ABCG2: variants seen among roughly 807,000 people sequenced by gnomAD.
ABCG2 encodes ATP binding cassette subfamily G member 2 (JR blood group), also known as broad substrate specificity ATP-binding cassette transporter ABCG2.
In ABCG2, 80 loss-of-function variants were observed where a neutral mutation model predicts 73.5. That is an observed-to-expected ratio of 1.09 (90% CI 0.91 to 1.31). The LOEUF is 1.31. Among genes scored for constraint, ABCG2 ranks in the 50% most tolerant of loss-of-function variants. The pLI is 0.00. For synonymous variants in ABCG2, 269 were observed against 282.4 expected, an observed-to-expected ratio of 0.95 and a Z score of 0.48; for missense variants, 796 against 786.2, an observed-to-expected ratio of 1.01 and a Z score of -0.15.
chr4:88,222,857 G>C (rs1327339451), intron 1 of ABCG2, among the ~76,000 whole-genome samples: 2 of 152,204 alleles, frequency 1.3e-5, no homozygotes, highest in Non-Finnish European at 2.9e-5. Context: ...GAAAGCAGCT[G>C]GAAGAGGGGG....
At chr4:88,214,718 C>T (rs959371195) in intron 1 of ABCG2, among the ~76,000 whole-genome samples, 34 of 151,596 alleles carry the variant, frequency 2.2e-4, no homozygotes, top group African/African-American at 8.2e-4. Flanking sequence ...TGTAACGATT[C>T]TCCCATCTCA....
intron 1 of ABCG2, among the ~76,000 whole-genome samples, chr4:88,207,783 A>G (rs1339179071): frequency 6.6e-6 from 1 of 152,080 alleles, no homozygotes; most frequent in Non-Finnish European, 1.5e-5. Context: ...GAGCTCAAAC[A>G]GTCCTCCCAC....
In ABCG2 at chr4:88,095,598, A is replaced by G. The variant is rs1347395666; in HGVS notation, c.1659T>C (p.Gly553=). Residue 553 remains glycine (G), a synonymous_variant, in exon 14 of 16, where the codon GGT becomes GGC. Coordinates refer to ENST00000237612, the MANE Select transcript of ABCG2 (RefSeq NM_004827.3). The part of the protein sequence containing the change: ...ICFVFMMIFS[G]LLVNLTTIAS... ...CAATGGTTGTGAGATTGACCAACAGACCTGAAAAAATCTACAAAAAGCAAA... is the reference window on the plus strand; with the variant it reads ...CAATGGTTGTGAGATTGACCAACAGGCCTGAAAAAATCTACAAAAAGCAAA... 6.2e-7 allele frequency: 1 copy of G among 1,613,652 alleles called. No homozygotes were observed.
chr4:88,189,044 C>T (rs756419124), intron 1 of ABCG2, among the ~76,000 whole-genome samples: 3 of 152,022 alleles, frequency 2.0e-5, no homozygotes, highest in Non-Finnish European at 2.9e-5. Context: ...AATATTAGAT[C>T]TTCCAGTTCA....
chr4:88,230,308 T>TATATATATATATATATACATATATA (rs746680651), intron 1 of ABCG2, among the ~76,000 whole-genome samples: 1 of 96,236 alleles, frequency 1.0e-5, no homozygotes, highest in Non-Finnish European at 2.1e-5. Context: ...TATATATATA[T>TATATATATATATATATACATATATA]TTTTTTTTTT....
chr4:88,112,413 A>G (rs1183442202), intron 9 of ABCG2, among the ~76,000 whole-genome samples: 5 of 151,918 alleles, frequency 3.3e-5, no homozygotes, highest in African/African-American at 1.2e-4. Context: ...TCCAACTGCA[A>G]ATCAACCTTC....
In ABCG2 at chr4:88,132,598, G is replaced by A; in HGVS notation, c.241C>T (p.Pro81Ser). The A allele has an allele frequency of 1.2e-6, 2 of 1,614,160 alleles. No individual in the cohort carries two copies. The highest frequency in any genetic ancestry group is 1.7e-6 in the Non-Finnish European group (2 of 1,180,016). ...CACGAAGATTTGCCTCCACCTGTGG[G>A]TCCCAGGATGGCGTTGAGACCAGGT... is the stretch of plus-strand genomic sequence containing the variant. ...MKPGLNAILG[P>S]TGGGKSSLLD... is the part of the protein sequence containing the mutation. The change falls in exon 3 of 16, where the codon CCC becomes TCC. Residue 81 changes from proline (P) to serine (S), a missense_variant. Coordinates refer to ENST00000237612, the MANE Select transcript of ABCG2 (RefSeq NM_004827.3).
chr4:88,132,137 A>G (rs187226760), intron 3 of ABCG2, among the ~76,000 whole-genome samples: 1 of 152,224 alleles, frequency 6.6e-6, no homozygotes, highest in Non-Finnish European at 1.5e-5. Flanking sequence ...ATTACAATAA[A>G]GCCCCAAAAC....
intron 12 of ABCG2, among the ~76,000 whole-genome samples, chr4:88,098,259 G>A (rs955731571): frequency 1.3e-5 from 2 of 152,142 alleles, no homozygotes; most frequent in African/African-American, 2.4e-5. Flanking sequence ...CCTATTATTT[G>A]TCAAATGGAA....
At position 88,091,336 on chromosome 4, in the gene ABCG2, C is replaced by A. The variant is rs1278376667; in HGVS notation, c.*898G>T. ...AAGGTATATAAGTAGGAAAGAAAAC[C>A]TATGTAGGGACAGATGTTAATAGTT... On this transcript the variant is annotated 3_prime_UTR_variant, in exon 16 of 16. Transcript: ENST00000237612. 6.6e-6 allele frequency: 1 copy of A among 152,068 alleles called. No individual in the cohort carries two copies. The highest frequency in any genetic ancestry group is 6.6e-5 in the Admixed American group (1 of 15,262). 9.4% of individuals were successfully genotyped at this position (152,068 alleles called of 1,614,324 possible).
intron 1 of ABCG2, among the ~76,000 whole-genome samples, chr4:88,198,057 C>T (rs1729007120): frequency 7.0e-6 from 1 of 143,838 alleles, no homozygotes; most frequent in Admixed American, 7.0e-5. Context: ...TCGTTTGTTT[C>T]CAGCTGGGCA....
At chr4:88,176,058 T>C (rs981029540) in intron 1 of ABCG2, among the ~76,000 whole-genome samples, 12 of 152,216 alleles carry the variant, frequency 7.9e-5, no homozygotes, top group African/African-American at 2.9e-4. Context: ...AGAAAAATGT[T>C]GTTTCTCCTG....
intron 1 of ABCG2, among the ~76,000 whole-genome samples, chr4:88,208,476 T>A (rs1425815068): frequency 6.6e-6 from 1 of 152,108 alleles, no homozygotes; most frequent in Non-Finnish European, 1.5e-5. Flanking sequence ...GGGCCCAAGG[T>A]TTTTAGGAGG....
chr4:88,109,116 A>G (rs1157339974), intron 9 of ABCG2, among the ~76,000 whole-genome samples: 1 of 150,926 alleles, frequency 6.6e-6, no homozygotes, highest in Non-Finnish European at 1.5e-5. Context: ...CTCCTGCCTC[A>G]GCCTCCCAAG....
chr4:88,118,009 T>C, intron 7 of ABCG2, 100 bp downstream of exon 7: 2 of 1,169,014 alleles, frequency 1.7e-6, no homozygotes, highest in African/African-American at 1.6e-5. Flanking sequence ...TCTCATGGTA[T>C]GTCTACCCAA....
intron 1 of ABCG2, among the ~76,000 whole-genome samples, chr4:88,210,700 C>G (rs753319508): frequency 6.6e-6 from 1 of 151,304 alleles, no homozygotes; most frequent in Non-Finnish European, 1.5e-5. Flanking sequence ...TCAAGCAATT[C>G]TCCCACCTCA....
In ABCG2 at chr4:88,177,939, T is replaced by A. The variant is rs538811562; in HGVS notation, c.-19-37925A>T. 2.6e-5 allele frequency among the ~76,000 whole-genome samples: 4 copies of A among 152,258 alleles called. No individual in the cohort carries two copies. The East Asian group carries it at 7.7e-4, about 29-fold the overall frequency. ...AGGACCAGAGTTCCAGCAAGCCTTA[T>A]CACCGTGAACTAAAGTGCTCTGGGG... is the stretch of plus-strand genomic sequence containing the variant. On this transcript the variant is annotated intron_variant, in intron 1 of 15. Transcript: ENST00000515655.
At position 88,113,457 on chromosome 4, in the gene ABCG2, G is replaced by A. The variant is rs748641162; in HGVS notation, c.1040C>T (p.Ala347Val). The A allele has an allele frequency of 1.9e-6, 3 of 1,614,096 alleles. No individual in the cohort carries two copies. In the Admixed American group the frequency reaches 5.0e-5, roughly 27 times the overall value. The change falls in exon 9 of 16, where the codon GCT becomes GTT. Residue 347 changes from alanine (A) to valine (V), a missense_variant. By Grantham distance (64) the Ala-to-Val change is moderately conservative. Coordinates refer to ENST00000237612, the MANE Select transcript of ABCG2 (RefSeq NM_004827.3). ...VNSSFYKETKAELHQLSGGEK... is the reference protein window; with the variant it reads ...VNSSFYKETKVELHQLSGGEK... ...ACCCCCGGAAAGTTGATGTAATTCAGCTTTTGTCTCTTTGTAGAAGGAGGA... is the reference window on the plus strand; with the variant it reads ...ACCCCCGGAAAGTTGATGTAATTCAACTTTTGTCTCTTTGTAGAAGGAGGA...
chr4:88,109,418 T>A (rs989823627), intron 9 of ABCG2, among the ~76,000 whole-genome samples: 16 of 152,228 alleles, frequency 1.1e-4, no homozygotes, highest in Admixed American at 8.5e-4. Context: ...GTTCTAAAAA[T>A]GTTTTCAAAG....
Sources: gnomAD v4.1 joint callset for allele counts (sites outside exome capture counted in the v4.1 genomes callset) on GRCh38, gnomAD v4.1.1 for gene constraint, MANE v1.5 for transcripts, NCBI Gene and HGNC (gene_info 2026-07-23, HGNC 2026-07-21) for gene names.